The following TCF4 variants were observed in gnomAD, a reference collection of about 807,000 sequenced individuals.
The protein encoded by TCF4 is SL3-3 enhancer factor 2.
In TCF4, 3 loss-of-function variants were observed where a neutral mutation model predicts 82.1. That is an observed-to-expected ratio of 0.04 (90% CI 0.02 to 0.09). TCF4 has a LOEUF of 0.09. Among genes scored for constraint, TCF4 ranks in the 10% least tolerant of loss-of-function variants. The probability of loss-of-function intolerance (pLI) is 1.00; values close to 1 mark genes in which losing one functional copy is unlikely to be tolerated. For missense variants in TCF4, 518 were observed against 852.7 expected, an observed-to-expected ratio of 0.61 and a Z score of 4.89; for synonymous variants, 276 against 309.6, an observed-to-expected ratio of 0.89 and a Z score of 1.14.
intron 3 of TCF4, among the ~76,000 whole-genome samples, chr18:55,525,700 C>G (rs528450288): frequency 1.7e-3 from 263 of 152,244 alleles, no homozygotes; most frequent in Non-Finnish European, 2.2e-3. Context: ...ACAGTGAACC[C>G]AATTTCCACA....
intron 3 of TCF4, among the ~76,000 whole-genome samples, chr18:55,498,768 AG>A (rs1009492162): frequency 1.8e-4 from 28 of 152,256 alleles, no homozygotes; most frequent in African/African-American, 6.3e-4. Flanking sequence ...AGTAACTTCA[AG>A]GGGACTTAGC....
At chr18:55,600,285 T>C (rs561097310) in intron 2 of TCF4, among the ~76,000 whole-genome samples, 1 of 152,228 alleles carries the variant, frequency 6.6e-6, no homozygotes, top group Admixed American at 6.5e-5. Flanking sequence ...TTAGTTTTAG[T>C]AGACACCAGC....
chr18:55,604,785 G>C (rs2097700722), intron 2 of TCF4, among the ~76,000 whole-genome samples: 1 of 152,152 alleles, frequency 6.6e-6, no homozygotes, highest in East Asian at 1.9e-4. Flanking sequence ...GTGGTCATTG[G>C]TAATGGCTAC....
At chr18:55,437,938 C>A (rs1197049153) in intron 5 of TCF4, among the ~76,000 whole-genome samples, 1 of 152,150 alleles carries the variant, frequency 6.6e-6, no homozygotes, top group Admixed American at 6.6e-5. Flanking sequence ...CAGCGGCTCA[C>A]GCCTCTAATC....
At chr18:55,476,518 G>A (rs567980166) in intron 3 of TCF4, among the ~76,000 whole-genome samples, 16 of 151,792 alleles carry the variant, frequency 1.1e-4, no homozygotes, top group Middle Eastern at 3.4e-3. Flanking sequence ...TTCATCTAGG[G>A]TATATGTAGT....
intron 3 of TCF4, among the ~76,000 whole-genome samples, chr18:55,509,898 C>T (rs1238157441): frequency 1.3e-5 from 2 of 152,286 alleles, no homozygotes; most frequent in East Asian, 1.9e-4. Flanking sequence ...CACCCTGAAG[C>T]GTAGCTTTCA....
At chr18:55,387,701 T>G (rs2092714649) in intron 6 of TCF4, among the ~76,000 whole-genome samples, 1 of 152,228 alleles carries the variant, frequency 6.6e-6, no homozygotes, top group African/African-American at 2.4e-5. Context: ...TACAGTGACA[T>G]TTCAAAAACT....
chr18:55,400,956 A>G, intron 6 of TCF4: 4 of 1,288,676 alleles, frequency 3.1e-6, no homozygotes, highest in Non-Finnish European at 4.0e-6. Context: ...TCAATCATGT[A>G]GTAAACAGAA....
At chr18:55,381,716 A>G (rs1024932816) in intron 6 of TCF4, among the ~76,000 whole-genome samples, 1 of 150,516 alleles carries the variant, frequency 6.6e-6, no homozygotes, top group Admixed American at 6.6e-5. Context: ...TGTGTAGAGT[A>G]TCGGTTTTAT....
chr18:55,559,769 T>C (rs1030843535), intron 3 of TCF4, among the ~76,000 whole-genome samples: 73 of 152,324 alleles, frequency 4.8e-4, no homozygotes, highest in Non-Finnish European at 8.7e-4. Context: ...AAATCTTTTT[T>C]TCCATTCCGT....
chr18:55,587,965 G>C (rs985674246), intron 1 of TCF4, 73 bp downstream of exon 1: 66 of 947,774 alleles, frequency 7.0e-5, no homozygotes, highest in Non-Finnish European at 7.9e-5. Context: ...AGCCGCGTGC[G>C]GGGCCGCCGA....
At chr18:55,310,560 G>A (rs1443877394) in intron 8 of TCF4, among the ~76,000 whole-genome samples, 2 of 152,182 alleles carry the variant, frequency 1.3e-5, no homozygotes, top group East Asian at 1.9e-4. Flanking sequence ...AATCACTTCC[G>A]TATCATGGCC....
chr18:55,305,817 T>C (rs150914442), intron 8 of TCF4, among the ~76,000 whole-genome samples: 3 of 152,352 alleles, frequency 2.0e-5, no homozygotes, highest in East Asian at 1.9e-4. Context: ...ATGAAATATA[T>C]GCTATTATCA....
At chr18:55,350,697 C>T (rs2082148037) in intron 7 of TCF4, among the ~76,000 whole-genome samples, 177 bp downstream of exon 7, 1 of 151,322 alleles carries the variant, frequency 6.6e-6, no homozygotes, top group African/African-American at 2.4e-5. Context: ...CTACCATAAG[C>T]TGTTAACGTA....
chr18:55,411,243 C>T (rs2094332928), intron 5 of TCF4, among the ~76,000 whole-genome samples: 1 of 152,132 alleles, frequency 6.6e-6, no homozygotes, highest in Non-Finnish European at 1.5e-5. Flanking sequence ...GGACTAAGGG[C>T]AACCCTGAAA....
Position 55,514,769 on chromosome 18 carries a change from C to T in TCF4, c.146-50632G>A, listed in dbSNP as rs80053557. 9.1e-4 allele frequency among the ~76,000 whole-genome samples: 138 copies of T among 151,866 alleles called. 2 individuals carry two copies. In the East Asian group the frequency reaches 0.021, roughly 23 times the overall value. ...CATATGATTTAATAAAAGGAGCACACGTAAAAATATATGGATGCACAAAGC... is the reference window on the plus strand; with the variant it reads ...CATATGATTTAATAAAAGGAGCACATGTAAAAATATATGGATGCACAAAGC... On this transcript the variant is annotated intron_variant, in intron 3 of 19. Coordinates refer to ENST00000354452, the MANE Select transcript of TCF4 (RefSeq NM_001083962.2).
intron 6 of TCF4, among the ~76,000 whole-genome samples, chr18:55,364,358 A>G (rs1340346914): frequency 6.6e-6 from 1 of 152,200 alleles, no homozygotes; most frequent in Non-Finnish European, 1.5e-5. Context: ...ATTTAATGAA[A>G]AAGCATGTTT....
chr18:55,348,597 T>C (rs937135632), intron 8 of TCF4, among the ~76,000 whole-genome samples: 7 of 152,156 alleles, frequency 4.6e-5, no homozygotes, highest in Non-Finnish European at 2.9e-5. Context: ...ACTGTACCAG[T>C]AAAATTTTCT....
chr18:55,544,921 C>T (rs941627028), intron 3 of TCF4, among the ~76,000 whole-genome samples: 3 of 152,160 alleles, frequency 2.0e-5, no homozygotes, highest in Admixed American at 1.3e-4. Context: ...AGTACTACCA[C>T]AGCAAGTACA....
Sources: gnomAD v4.1 joint callset for allele counts (sites outside exome capture counted in the v4.1 genomes callset) on GRCh38, gnomAD v4.1.1 for gene constraint, MANE v1.5 for transcripts, NCBI Gene and HGNC (gene_info 2026-07-23, HGNC 2026-07-21) for gene names.